Variants in ZNF362 observed in about 807,000 individuals in gnomAD.
ZNF362 encodes the protein rotund homolog.
A neutral mutation model predicts 42.9 loss-of-function variants in ZNF362; 11 were observed. The observed-to-expected ratio is 0.26, with a 90% CI of 0.16 to 0.42. ZNF362 has a LOEUF of 0.42. Ranked by LOEUF, ZNF362 falls within the 20% of genes least tolerant of loss-of-function variation. ZNF362 has a pLI of 1.00. For missense variants in ZNF362, 362 were observed against 576.2 expected, an observed-to-expected ratio of 0.63 and a Z score of 3.81; for synonymous variants, 255 against 257.3, an observed-to-expected ratio of 0.99 and a Z score of 0.09.
the ZNF362 span, among the ~76,000 whole-genome samples, chr1:33,176,980 C>T: frequency 2.0e-5 from 3 of 152,180 alleles, no homozygotes; most frequent in African/African-American, 7.2e-5. Context: ...CCACTTTGCT[C>T]AGTGGTCCAG....
intron 6 of ZNF362, among the ~76,000 whole-genome samples, chr1:33,293,218 C>G (rs1342077893): frequency 6.6e-6 from 1 of 152,164 alleles, no homozygotes; most frequent in Non-Finnish European, 1.5e-5. Context: ...ATTTACTGGG[C>G]AAAAGAGCTG....
At chr1:33,167,230 G>A in the ZNF362 span, among the ~76,000 whole-genome samples, 2 of 152,152 alleles carry the variant, frequency 1.3e-5, no homozygotes, top group Admixed American at 1.3e-4. The surrounding 1 kb of genome is among the most constrained non-coding windows in gnomAD (Gnocchi z 4.2). Context: ...TCACACATCT[G>A]GATTCACGGT....
At chr1:33,227,267 C>T in the ZNF362 span, among the ~76,000 whole-genome samples, 3 of 152,104 alleles carry the variant, frequency 2.0e-5, no homozygotes, top group South Asian at 2.1e-4. Flanking sequence ...GAAGTGGGGT[C>T]GATGCCCCAT....
At position 33,295,242 on chromosome 1, in the gene ZNF362, G is replaced by A. The variant is rs780413421; in HGVS notation, c.1083G>A (p.Ser361=). 1.6e-5 allele frequency: 26 copies of A among 1,614,030 alleles called. 1 individual carries two copies. In the South Asian group the frequency reaches 2.1e-4, roughly 13 times the overall value. The part of the protein sequence containing the change: ...SDSASLQIHL[S]AHAIKHAKAY... The stretch of plus-strand genomic sequence containing the variant: ...CCGCTTCTTTGCAGATCCACCTCTC[G>A]GCCCACGCCATCAAGCACGCCAAGG... Residue 361 remains serine, a synonymous_variant, in exon 8 of 9, where the codon TCG becomes TCA. Coordinates refer to ENST00000539719, the MANE Select transcript of ZNF362 (RefSeq NM_152493.3).
the ZNF362 span, among the ~76,000 whole-genome samples, chr1:33,187,954 G>A: frequency 1.3e-5 from 2 of 152,218 alleles, no homozygotes; most frequent in Non-Finnish European, 2.9e-5. Context: ...ATGTAAGGGA[G>A]GCAGGGTGTG....
the ZNF362 span, among the ~76,000 whole-genome samples, chr1:33,242,632 T>C: frequency 1.5e-4 from 23 of 152,156 alleles, 1 homozygote. Flanking sequence ...AATCAACCCA[T>C]GGCCAGAATC....
At chr1:33,279,956 G>A (rs912018227) in intron 4 of ZNF362, among the ~76,000 whole-genome samples, 168 bp from the exon 5 acceptor site, 11 of 152,124 alleles carry the variant, frequency 7.2e-5, no homozygotes, top group African/African-American at 2.7e-4. Flanking sequence ...TAATCTTAAG[G>A]TGTCTAAGGC....
chr1:33,290,253 C>G (rs193169656), intron 6 of ZNF362, among the ~76,000 whole-genome samples: 2 of 152,136 alleles, frequency 1.3e-5, no homozygotes, highest in African/African-American at 4.8e-5. Flanking sequence ...GTGATGGTCC[C>G]CTTCCTGCAT....
the ZNF362 span, among the ~76,000 whole-genome samples, chr1:33,130,401 C>G: frequency 2.0e-5 from 3 of 152,200 alleles, no homozygotes; most frequent in African/African-American, 7.2e-5. Context: ...GGCACCTTCT[C>G]TTGCTCTCTT....
At chr1:33,256,763 C>T (rs1193824533) in intron 1 of ZNF362, 109 bp downstream of exon 1, 1 of 145,664 alleles carries the variant, frequency 6.9e-6, no homozygotes, top group East Asian at 2.0e-4. Context: ...GGCGCGGGCG[C>T]TGTCAGCGCG....
chr1:33,220,371 C>G, the ZNF362 span, among the ~76,000 whole-genome samples: 1 of 152,254 alleles, frequency 6.6e-6, no homozygotes, highest in Non-Finnish European at 1.5e-5. Context: ...GCATTACATC[C>G]TCTAACCCTC....
chr1:33,204,073 CTG>C, the ZNF362 span, among the ~76,000 whole-genome samples: 3 of 152,054 alleles, frequency 2.0e-5, no homozygotes, highest in Non-Finnish European at 4.4e-5. Context: ...AGCTTTTCCT[CTG>C]TGTTTTCTTT....
the ZNF362 span, among the ~76,000 whole-genome samples, chr1:33,186,622 A>G: frequency 2.0e-4 from 30 of 148,206 alleles, no homozygotes; most frequent in African/African-American, 7.5e-4. Flanking sequence ...CCTGGCCAAC[A>G]TGGTGAAACC....
the ZNF362 span, among the ~76,000 whole-genome samples, chr1:33,174,939 A>ATGTGTG: frequency 4.6e-4 from 15 of 32,636 alleles, no homozygotes; most frequent in African/African-American, 1.1e-3. Context: ...ACATACATAT[A>ATGTGTG]TGTGTGTATA....
chr1:33,285,493 C>G (rs1283705675), intron 6 of ZNF362, among the ~76,000 whole-genome samples: 1 of 152,122 alleles, frequency 6.6e-6, no homozygotes, highest in Non-Finnish European at 1.5e-5. Context: ...AGCATTATCA[C>G]TAATTGTTTA....
chr1:33,140,513 G>A, the ZNF362 span, among the ~76,000 whole-genome samples: 6 of 152,218 alleles, frequency 3.9e-5, no homozygotes, highest in African/African-American at 1.4e-4. This position sits in a 1 kb window ranked among gnomAD's most constrained non-coding sequence, Gnocchi z 4.0. Context: ...AGCCTGCAGG[G>A]AGTGAGGGGG....
the ZNF362 span, among the ~76,000 whole-genome samples, chr1:33,177,074 C>T: frequency 6.8e-6 from 1 of 147,906 alleles, no homozygotes; most frequent in Non-Finnish European, 1.5e-5. This position sits in a 1 kb window ranked among gnomAD's most constrained non-coding sequence, Gnocchi z 4.1. Flanking sequence ...CATGCACACA[C>T]ACACATGCAT....
At chr1:33,131,621 G>A in the ZNF362 span, among the ~76,000 whole-genome samples, 1 of 151,792 alleles carries the variant, frequency 6.6e-6, no homozygotes, top group Non-Finnish European at 1.5e-5. Flanking sequence ...ATGTTTAAAA[G>A]AAATAAAATA....
chr1:33,224,640 G>A, the ZNF362 span, among the ~76,000 whole-genome samples: 6 of 152,108 alleles, frequency 3.9e-5, no homozygotes, highest in African/African-American at 9.7e-5. Context: ...AAGAGATAAC[G>A]ATGAAAGAGA....
Sources: gnomAD v4.1 joint callset for allele counts (sites outside exome capture counted in the v4.1 genomes callset) on GRCh38, gnomAD v4.1.1 for gene constraint, Gnocchi (gnomAD v3.1) non-coding constraint, MANE v1.5 for transcripts, NCBI Gene and HGNC (gene_info 2026-07-23, HGNC 2026-07-21) for gene names.